The following ASPA variants were observed in gnomAD, a reference collection of about 807,000 sequenced individuals.
The protein encoded by ASPA is ACY-2.
In ASPA, 25 loss-of-function variants were observed where a neutral mutation model predicts 29.6. The observed-to-expected ratio is 0.85, with a 90% CI of 0.62 to 1.18. ASPA has a LOEUF of 1.18. ASPA is among the 50% of genes most tolerant of loss of function. ASPA has a pLI of 0.00. For missense variants in ASPA, 333 were observed against 385.7 expected (o/e 0.86, Z 1.14); for synonymous variants, 131 against 130.3 (o/e 1.01, Z -0.04).
chr17:3,479,037 T>C (rs1493282), intron 1 of ASPA, among the ~76,000 whole-genome samples: 96,257 of 152,118 alleles, frequency 0.63, 32,300 homozygotes, highest in Non-Finnish European at 0.75. Context: ...ACCCTTCCTG[T>C]CATCTATTTT....
At chr17:3,496,407 G>T (rs1413312052) in intron 5 of ASPA, among the ~76,000 whole-genome samples, 1 of 152,174 alleles carries the variant, frequency 6.6e-6, no homozygotes, top group East Asian at 1.9e-4. Flanking sequence ...TAGACGGAGT[G>T]GTCACAAAGT....
At position 3,485,182 on chromosome 17, in the gene ASPA, C is replaced by G. The variant is rs2073698066; in HGVS notation, c.526+1590C>G. On this transcript the variant is annotated intron_variant, in intron 3 of 5. Transcript: ENST00000263080. This position sits in a 1 kb window ranked among gnomAD's most constrained non-coding sequence, Gnocchi z 4.4. ...TACAGGCACGTGCCACCACATTCAG[C>G]TAATTTTTTATTTTTTGTAGAGACA... Among the ~76,000 whole-genome samples, 1 of 152,074 alleles carries G rather than the reference C, an allele frequency of 6.6e-6. No individual in the cohort carries two copies. The highest frequency in any genetic ancestry group is 1.5e-5 in the Non-Finnish European group (1 of 68,014).
rs180671169 is a variant in ASPA, at chr17:3,476,692, C to T, written c.236+297C>T. On this transcript the variant is annotated intron_variant, in intron 1 of 5. Transcript: ENST00000263080. Reference sequence around the variant, plus strand: ...AAAAGGGTTTTGTTTTAAAATCATACCTTTAAAGAAACAGATTTAATACTC... The same window carrying T: ...AAAAGGGTTTTGTTTTAAAATCATATCTTTAAAGAAACAGATTTAATACTC... Among the ~76,000 whole-genome samples, 366 of 152,228 alleles carry T rather than the reference C, an allele frequency of 2.4e-3. 2 individuals carry two copies. Among genetic ancestry groups the T allele is most frequent in the African/African-American group, 8.4e-3 (349 of 41,528 alleles).
chr17:3,486,976 C>T lies in ASPA; in HGVS notation c.527-2259C>T, dbSNP rs369195365. Among the ~76,000 whole-genome samples the T allele has an allele frequency of 4.6e-5, 7 of 152,248 alleles. No homozygotes were observed. The East Asian group carries it at 1.2e-3, about 25-fold the overall frequency. On this transcript the variant is annotated intron_variant, in intron 3 of 5. Coordinates refer to ENST00000263080, the MANE Select transcript of ASPA (RefSeq NM_000049.4). The stretch of plus-strand genomic sequence containing the variant: ...TTACACAAATAACTTTCCTAAGTCT[C>T]AAATGAGACCACGGTTAATCTGAGA...
intron 4 of ASPA, among the ~76,000 whole-genome samples, chr17:3,494,022 C>A (rs2073869149): frequency 7.6e-6 from 1 of 131,622 alleles, no homozygotes; most frequent in Non-Finnish European, 1.6e-5. Flanking sequence ...ACATTGTTAA[C>A]TTCCCTTTTT....
intron 4 of ASPA, among the ~76,000 whole-genome samples, chr17:3,489,754 T>C (rs192014350): frequency 3.0e-4 from 45 of 152,306 alleles, no homozygotes; most frequent in Admixed American, 1.2e-3. Flanking sequence ...TACCTGCTGG[T>C]GAACATATAA....
chr17:3,492,033 C>G (rs2073835244), intron 4 of ASPA, among the ~76,000 whole-genome samples: 1 of 152,034 alleles, frequency 6.6e-6, no homozygotes, highest in Non-Finnish European at 1.5e-5. Context: ...TGCACCACCA[C>G]ACCTGGCTAA....
intron 4 of ASPA, among the ~76,000 whole-genome samples, chr17:3,493,755 G>T (rs997557701): frequency 6.6e-6 from 1 of 151,946 alleles, no homozygotes; most frequent in Non-Finnish European, 1.5e-5. Context: ...CTTGTTCAAG[G>T]CCGCATAGCC....
At chr17:3,482,263 C>T (rs2073644134) in intron 2 of ASPA, among the ~76,000 whole-genome samples, 2 of 152,206 alleles carry the variant, frequency 1.3e-5, no homozygotes, top group African/African-American at 2.4e-5. Flanking sequence ...TAGACTAAAG[C>T]CCAGTGATAA....
intron 2 of ASPA, among the ~76,000 whole-genome samples, chr17:3,483,107 A>T (rs377609813): frequency 1.3e-5 from 2 of 152,208 alleles, no homozygotes; most frequent in African/African-American, 2.4e-5. Context: ...ATCTGTAGAG[A>T]GCTGGACCAC....
At chr17:3,495,072 A>G (rs1307626359) in intron 5 of ASPA, among the ~76,000 whole-genome samples, 2 of 152,160 alleles carry the variant, frequency 1.3e-5, no homozygotes, top group Admixed American at 1.3e-4. Context: ...AGTTTTATCA[A>G]TAATGACATA....
At chr17:3,493,560 C>CAAA (rs746229421) in intron 4 of ASPA, among the ~76,000 whole-genome samples, 1,964 of 55,602 alleles carry the variant, frequency 0.035, 74 homozygotes, top group Non-Finnish European at 0.049. Flanking sequence ...GGTTCCATCT[C>CAAA]AAAAAAAAAA....
intron 5 of ASPA, among the ~76,000 whole-genome samples, chr17:3,497,594 G>A (rs2073930305): frequency 6.6e-6 from 1 of 152,112 alleles, no homozygotes; most frequent in African/African-American, 2.4e-5. Context: ...TCTGAAATGG[G>A]CCAGCCCCTC....
At chr17:3,483,865 C>T (rs1165766844) in intron 3 of ASPA, among the ~76,000 whole-genome samples, 1 of 152,064 alleles carries the variant, frequency 6.6e-6, no homozygotes, top group Non-Finnish European at 1.5e-5. Context: ...CCATGTTAGC[C>T]AGGGCTGGCC....
At position 3,501,073 on chromosome 17, in the gene ASPA, G is replaced by A. The variant is rs764139412; in HGVS notation, c.*1985G>A. 2.6e-5 allele frequency: 4 copies of A among 152,180 alleles called. No individual in the cohort carries two copies. Among genetic ancestry groups the A allele is most frequent in the Non-Finnish European group, 5.9e-5 (4 of 68,030 alleles). The allele number at this position is 152,180 out of a possible 1,614,324, so 9.4% of individuals were successfully genotyped here. ...TTCGCGCCTGCTACCACGACATCCA[G>A]CCGAAGCCCATGGATCAAGGCGTCA... On this transcript the variant is annotated 3_prime_UTR_variant, in exon 6 of 6. Coordinates refer to ENST00000263080, the MANE Select transcript of ASPA (RefSeq NM_000049.4).
At position 3,488,233 on chromosome 17, in the gene ASPA, A is replaced by G. The variant is rs984670209; in HGVS notation, c.527-1002A>G. On this transcript the variant is annotated intron_variant, in intron 3 of 5. Transcript: ENST00000263080. This position sits in a 1 kb window ranked among gnomAD's most constrained non-coding sequence, Gnocchi z 6.1. Reference sequence around the variant, plus strand: ...TTGAACAGGAAGGAAGGGTCTACAAAAGTAGTTTAAAGAAAGAGTATTTTG... The same window carrying G: ...TTGAACAGGAAGGAAGGGTCTACAAGAGTAGTTTAAAGAAAGAGTATTTTG... Among the ~76,000 whole-genome samples, 1 of 152,200 alleles carries G rather than the reference A, an allele frequency of 6.6e-6. No homozygotes were observed. Among genetic ancestry groups the G allele is most frequent in the African/African-American group, 2.4e-5 (1 of 41,450 alleles).
chr17:3,478,445 C>T (rs896095228), intron 1 of ASPA, among the ~76,000 whole-genome samples: 1 of 152,174 alleles, frequency 6.6e-6, no homozygotes, highest in African/African-American at 2.4e-5. Flanking sequence ...TTGAGAAATG[C>T]TTTATCTTCA....
At chr17:3,495,897 C>G (rs1339951891) in intron 5 of ASPA, among the ~76,000 whole-genome samples, 1 of 151,968 alleles carries the variant, frequency 6.6e-6, no homozygotes, top group East Asian at 1.9e-4. Context: ...AAGGTAAAGA[C>G]TGGGGGAGAG....
At chr17:3,477,487 CT>C (rs1463627523) in intron 1 of ASPA, among the ~76,000 whole-genome samples, 1 of 152,108 alleles carries the variant, frequency 6.6e-6, no homozygotes, top group African/African-American at 2.4e-5. Context: ...GAGTTTCGCT[CT>C]TGTTGCCCAG....
Sources: gnomAD v4.1 joint callset for allele counts (sites outside exome capture counted in the v4.1 genomes callset) on GRCh38, gnomAD v4.1.1 for gene constraint, Gnocchi (gnomAD v3.1) non-coding constraint, MANE v1.5 for transcripts, NCBI Gene and HGNC (gene_info 2026-07-23, HGNC 2026-07-21) for gene names.